PIP5K1B: variants seen among roughly 807,000 people sequenced by gnomAD.
PIP5K1B encodes phosphatidylinositol 4-phosphate 5-kinase type-1 beta.
PIP5K1B carries 42 observed loss-of-function variants against 67.0 expected under a neutral mutation model. The ratio of observed to expected loss-of-function variants is 0.63; its 90% confidence interval spans 0.49 to 0.81. PIP5K1B has a LOEUF of 0.81. Among genes scored for constraint, PIP5K1B ranks in the 30% least tolerant of loss-of-function variants. The pLI is 0.00. For missense variants in PIP5K1B, 459 were observed against 646.3 expected, an observed-to-expected ratio of 0.71 and a Z score of 3.14; for synonymous variants, 214 against 231.4, an observed-to-expected ratio of 0.92 and a Z score of 0.68.
chr9:68,993,610 G>C (rs1830475371), intron 15 of PIP5K1B, among the ~76,000 whole-genome samples: 1 of 151,994 alleles, frequency 6.6e-6, no homozygotes, highest in Admixed American at 6.6e-5. Flanking sequence ...CAGAAAAGTT[G>C]GTCCACCCCC....
chr9:68,861,131 T>G (rs76855265), intron 4 of PIP5K1B, among the ~76,000 whole-genome samples: 19,244 of 152,240 alleles, frequency 0.13, 1,346 homozygotes, highest in Non-Finnish European at 0.16. Flanking sequence ...CTTTTATTAT[T>G]TCTCCCATCA....
intron 8 of PIP5K1B, among the ~76,000 whole-genome samples, chr9:68,902,067 G>A (rs939848802): frequency 7.2e-5 from 11 of 152,152 alleles, no homozygotes; most frequent in African/African-American, 2.7e-4. Context: ...TCACAATGAG[G>A]AAATTGACTT....
chr9:68,720,700 G>A (rs542212499), intron 1 of PIP5K1B, among the ~76,000 whole-genome samples: 11 of 151,116 alleles, frequency 7.3e-5, no homozygotes, highest in African/African-American at 2.7e-4. Flanking sequence ...TTAAGCAATT[G>A]TAATACTGTC....
intron 2 of PIP5K1B, among the ~76,000 whole-genome samples, chr9:68,753,715 G>A (rs1587391283): frequency 6.6e-6 from 1 of 151,994 alleles, no homozygotes; most frequent in Non-Finnish European, 1.5e-5. Flanking sequence ...TAGTAGAGAC[G>A]GGGTTTCACC....
At chr9:68,938,541 C>T (rs750313973) in intron 13 of PIP5K1B, among the ~76,000 whole-genome samples, 2 of 152,110 alleles carry the variant, frequency 1.3e-5, no homozygotes, top group African/African-American at 2.4e-5. Flanking sequence ...GATCTTGACT[C>T]TATCCAATTT....
At chr9:68,884,197 G>A (rs1824339496) in intron 6 of PIP5K1B, among the ~76,000 whole-genome samples, 1 of 152,106 alleles carries the variant, frequency 6.6e-6, no homozygotes, top group Admixed American at 6.6e-5. Flanking sequence ...GGAAACAACA[G>A]AGTGAAGAGA....
intron 2 of PIP5K1B, among the ~76,000 whole-genome samples, chr9:68,766,997 T>C (rs1335041997): frequency 1.3e-5 from 2 of 152,216 alleles, no homozygotes; most frequent in Non-Finnish European, 2.9e-5. Flanking sequence ...AAGTAAATTC[T>C]TCAAATAGTC....
intron 2 of PIP5K1B, chr9:68,781,017 T>C (rs1831240267): frequency 1.6e-5 from 26 of 1,612,730 alleles, no homozygotes; most frequent in Non-Finnish European, 1.8e-5. Context: ...AGATGAACTT[T>C]CGTCTAAGTG....
Position 68,710,803 on chromosome 9 carries a change from A to G in PIP5K1B, c.-243+5041A>G, listed in dbSNP as rs185134014. ...CTGTATTGTTTATGGGACTCAATAA[A>G]CAATGAATATGTAACATGTTTGGGT... On this transcript the variant is annotated intron_variant, in intron 1 of 15. Transcript: ENST00000265382. 9.9e-4 allele frequency among the ~76,000 whole-genome samples: 151 copies of G among 152,360 alleles called. 1 individual carries two copies. Among genetic ancestry groups the G allele is most frequent in the Non-Finnish European group, 2.4e-4 (16 of 68,034 alleles).
At chr9:68,780,642 T>C in intron 2 of PIP5K1B, 1 of 1,614,224 alleles carries the variant, frequency 6.2e-7, no homozygotes, top group Non-Finnish European at 8.5e-7. Flanking sequence ...TTTTTCGCCA[T>C]CCTTGCAAAG....
At chr9:68,990,988 G>C in intron 14 of PIP5K1B, 152 bp from the exon 15 acceptor site, 1 of 615,036 alleles carries the variant, frequency 1.6e-6, no homozygotes, top group Admixed American at 2.8e-5. Context: ...AAACTCAAGT[G>C]ACCATGTCTC....
intron 4 of PIP5K1B, among the ~76,000 whole-genome samples, chr9:68,826,652 C>T (rs189355807): frequency 2.0e-5 from 3 of 152,242 alleles, no homozygotes; most frequent in East Asian, 3.9e-4. Context: ...CTCCCCTGAC[C>T]TTACAACTTA....
chr9:68,968,583 T>C (rs1296021550), intron 14 of PIP5K1B, among the ~76,000 whole-genome samples: 1 of 152,016 alleles, frequency 6.6e-6, no homozygotes, highest in Non-Finnish European at 1.5e-5. Flanking sequence ...AAACATAGTA[T>C]CTACAGATTA....
chr9:68,947,496 A>G (rs1355478922), intron 14 of PIP5K1B, among the ~76,000 whole-genome samples: 6 of 152,182 alleles, frequency 3.9e-5, no homozygotes, highest in Non-Finnish European at 5.9e-5. Flanking sequence ...ATCGTTTGCA[A>G]CTCTGGGCCC....
intron 4 of PIP5K1B, among the ~76,000 whole-genome samples, chr9:68,828,645 C>T (rs1252896766): frequency 6.6e-6 from 1 of 152,200 alleles, no homozygotes; most frequent in African/African-American, 2.4e-5. Context: ...AGCTCAGAGA[C>T]ACTTTGATCT....
intron 2 of PIP5K1B, among the ~76,000 whole-genome samples, chr9:68,803,502 GCCAGGCATACCAGGAAGGGAAAA>G (rs1832714164): frequency 6.6e-6 from 1 of 152,200 alleles, no homozygotes; most frequent in Non-Finnish European, 1.5e-5. Flanking sequence ...GTGGAGGAAA[GCCAGGCATACCAGGAAGGGAAAA>G]CCAGGCATAT....
intron 1 of PIP5K1B, among the ~76,000 whole-genome samples, chr9:68,736,752 A>G (rs1828757714): frequency 6.6e-6 from 1 of 152,150 alleles, no homozygotes; most frequent in Admixed American, 6.5e-5. Context: ...TCCCACTTCT[A>G]CACACTTTTG....
chr9:68,729,979 C>A (rs1828342479), intron 1 of PIP5K1B, among the ~76,000 whole-genome samples: 1 of 151,434 alleles, frequency 6.6e-6, no homozygotes, highest in African/African-American at 2.4e-5. Flanking sequence ...TCATGAAAGG[C>A]TAAAAATGAC....
At chr9:68,779,953 C>T (rs1011059901) in intron 2 of PIP5K1B, 2 of 563,572 alleles carry the variant, frequency 3.5e-6, no homozygotes, top group Admixed American at 3.9e-5. Context: ...CTCCTCGCCC[C>T]TCCCCTACCA....
Sources: allele counts gnomAD v4.1 joint callset (sites outside exome capture counted in the v4.1 genomes callset), GRCh38; gene constraint gnomAD v4.1.1; transcripts MANE v1.5; gene names NCBI Gene and HGNC (gene_info 2026-07-23, HGNC 2026-07-21).